Variants in CHN2 observed in about 807,000 individuals in gnomAD.
The protein encoded by CHN2 is beta-chimaerin.
A neutral mutation model predicts 56.3 loss-of-function variants in CHN2; 35 were observed. That is an observed-to-expected ratio of 0.62 (90% CI 0.47 to 0.82). The LOEUF is 0.82. Among genes scored for constraint, CHN2 ranks in the 40% least tolerant of loss-of-function variants. CHN2 has a pLI of 0.00. For missense variants in CHN2, 491 were observed against 580.5 expected, an observed-to-expected ratio of 0.85 and a Z score of 1.58; for synonymous variants, 210 against 212.8, an observed-to-expected ratio of 0.99 and a Z score of 0.12.
intron 1 of CHN2, among the ~76,000 whole-genome samples, chr7:29,322,136 T>A (rs993231032): frequency 6.6e-6 from 1 of 152,186 alleles, no homozygotes; most frequent in African/African-American, 2.4e-5. Context: ...AAAGGGCTAT[T>A]CAAACTGGCT....
At chr7:29,505,171 G>A (rs1400827516) in intron 10 of CHN2, among the ~76,000 whole-genome samples, 1 of 152,280 alleles carries the variant, frequency 6.6e-6, no homozygotes, top group East Asian at 1.9e-4. Flanking sequence ...GAAGGCAGTG[G>A]ACATGTAGGA....
At chr7:29,202,696 G>C (rs1435948132) in intron 1 of CHN2, among the ~76,000 whole-genome samples, 1 of 152,212 alleles carries the variant, frequency 6.6e-6, no homozygotes, top group Non-Finnish European at 1.5e-5. Flanking sequence ...CCCAGTTCCT[G>C]GATTTTATCG....
intron 1 of CHN2, among the ~76,000 whole-genome samples, chr7:29,306,222 G>A (rs1343552733): frequency 1.3e-5 from 2 of 152,176 alleles, no homozygotes; most frequent in Non-Finnish European, 2.9e-5. Context: ...TAAACTGGTG[G>A]TGTCTTAAGA....
At chr7:29,357,248 T>C (rs928273742) in intron 2 of CHN2, among the ~76,000 whole-genome samples, 6 of 152,224 alleles carry the variant, frequency 3.9e-5, no homozygotes, top group African/African-American at 1.4e-4. Flanking sequence ...CTCTTTATTA[T>C]ATCCAACTAA....
At position 29,499,892 on chromosome 7, in the gene CHN2, G is replaced by A; in HGVS notation, c.765G>A (p.Gln255=). 1.2e-6 allele frequency: 2 copies of A among 1,606,348 alleles called. No individual in the cohort carries two copies. Among genetic ancestry groups the A allele is most frequent in the Non-Finnish European group, 1.7e-6 (2 of 1,177,356 alleles). The change falls in exon 9 of 13, where the codon CAG becomes CAA. Residue 255 remains glutamine, a synonymous_variant. Transcript: ENST00000222792. Reference sequence around the variant, plus strand: ...ACTGTGGATTGAACGTACACAAACAGTGTTCCAAGCACGTTCCCAATGACT... The same window carrying A: ...ACTGTGGATTGAACGTACACAAACAATGTTCCAAGCACGTTCCCAATGACT... The part of the protein sequence containing the change: ...CSDCGLNVHK[Q]CSKHVPNDCQ...
At chr7:29,405,529 C>T (rs1195175200) in intron 6 of CHN2, among the ~76,000 whole-genome samples, 1 of 152,148 alleles carries the variant, frequency 6.6e-6, no homozygotes, top group African/African-American at 2.4e-5. Context: ...TTAACCACCC[C>T]ACCATCACCA....
intron 2 of CHN2, among the ~76,000 whole-genome samples, chr7:29,179,122 C>G (rs1190195405): frequency 6.6e-6 from 1 of 152,138 alleles, no homozygotes; most frequent in Non-Finnish European, 1.5e-5. Context: ...TCCTCATGGA[C>G]CCTTTGAAAA....
At chr7:29,506,464 C>T (rs1790577596) in intron 10 of CHN2, among the ~76,000 whole-genome samples, 1 of 151,956 alleles carries the variant, frequency 6.6e-6, no homozygotes, top group Non-Finnish European at 1.5e-5. Context: ...TAGTGAAACC[C>T]CCTCTCTACT....
intron 1 of CHN2, chr7:29,199,471 A>G (rs1783987434): frequency 6.6e-6 from 1 of 152,230 alleles, no homozygotes. Context: ...ATTAAATTTC[A>G]CATCACCTAG....
intron 2 of CHN2, among the ~76,000 whole-genome samples, chr7:29,157,844 A>C (rs1342456401): frequency 1.3e-5 from 2 of 150,824 alleles, no homozygotes; most frequent in Non-Finnish European, 3.0e-5. Flanking sequence ...GCTAAAAAAA[A>C]AATCCTTCTA....
At chr7:29,331,892 A>G (rs1796247497) in intron 1 of CHN2, among the ~76,000 whole-genome samples, 1 of 152,002 alleles carries the variant, frequency 6.6e-6, no homozygotes, top group Non-Finnish European at 1.5e-5. Context: ...CGTGCCTGTA[A>G]TCCCAGCTAC....
At chr7:29,150,549 G>A (rs80052745) in intron 2 of CHN2, among the ~76,000 whole-genome samples, 2 of 152,190 alleles carry the variant, frequency 1.3e-5, no homozygotes, top group Non-Finnish European at 2.9e-5. Flanking sequence ...AAGACACAGA[G>A]AATAGATCAT....
At chr7:29,315,597 G>C (rs1044308095) in intron 1 of CHN2, among the ~76,000 whole-genome samples, 1 of 152,152 alleles carries the variant, frequency 6.6e-6, no homozygotes, top group Non-Finnish European at 1.5e-5. Flanking sequence ...TTCTGGAAAA[G>C]TGTCAAATAG....
At chr7:29,421,262 G>A (rs541391784) in intron 6 of CHN2, among the ~76,000 whole-genome samples, 4 of 152,318 alleles carry the variant, frequency 2.6e-5, no homozygotes, top group Admixed American at 1.3e-4. Flanking sequence ...CAGCAACAGA[G>A]TCAGCCGCAC....
chr7:29,196,066 G>A (rs1483290197), intron 1 of CHN2, among the ~76,000 whole-genome samples: 2 of 152,144 alleles, frequency 1.3e-5, no homozygotes, highest in Non-Finnish European at 2.9e-5. Flanking sequence ...AAGTCCCATT[G>A]GGCTGTTTTT....
At chr7:29,508,282 TG>T (rs1380170974) in intron 11 of CHN2, among the ~76,000 whole-genome samples, 1 of 150,762 alleles carries the variant, frequency 6.6e-6, no homozygotes, top group African/African-American at 2.4e-5. Flanking sequence ...GGGGCAGGTC[TG>T]GGGGAAGGGG....
chr7:29,321,138 A>T (rs1002175741), intron 1 of CHN2, among the ~76,000 whole-genome samples: 1 of 152,072 alleles, frequency 6.6e-6, no homozygotes, highest in African/African-American at 2.4e-5. Flanking sequence ...ATAGTTGAAA[A>T]TTTTTTCAGA....
At chr7:29,509,840 A>C (rs1014676437) in intron 12 of CHN2, among the ~76,000 whole-genome samples, 12 of 63,506 alleles carry the variant, frequency 1.9e-4, no homozygotes, top group Non-Finnish European at 4.2e-4. Context: ...GCGAGACTCC[A>C]TCTCAAAAAA....
At chr7:29,179,057 C>G (rs1447745762) in intron 2 of CHN2, among the ~76,000 whole-genome samples, 3 of 152,196 alleles carry the variant, frequency 2.0e-5, no homozygotes, top group Admixed American at 6.5e-5. Flanking sequence ...CAGCATCTCT[C>G]TTGGTGTCAG....
Sources: gnomAD v4.1 joint callset for allele counts (sites outside exome capture counted in the v4.1 genomes callset) on GRCh38, gnomAD v4.1.1 for gene constraint, MANE v1.5 for transcripts, NCBI Gene and HGNC (gene_info 2026-07-23, HGNC 2026-07-21) for gene names.